DOCK1: variants seen among roughly 807,000 people sequenced by gnomAD.
The protein encoded by DOCK1 is dedicator of cytokinesis 1.
DOCK1 carries 138 observed loss-of-function variants against 262.7 expected under a neutral mutation model. The ratio of observed to expected loss-of-function variants is 0.53; its 90% CI spans 0.46 to 0.61. The LOEUF (loss-of-function observed/expected upper bound fraction) is 0.61, where lower values mean the gene tolerates loss of function less well. Ranked by LOEUF, DOCK1 falls within the 20% of genes least tolerant of loss-of-function variation. The pLI, the probability that DOCK1 is intolerant of heterozygous loss-of-function variation, is 0.00. For missense variants in DOCK1, 1,908 were observed against 2,370.7 expected, an observed-to-expected ratio of 0.80 and a Z score of 4.05; for synonymous variants, 866 against 867.4, an observed-to-expected ratio of 1.00 and a Z score of 0.03.
At chr10:126,957,072 G>A (rs2036802262) in intron 1 of DOCK1, among the ~76,000 whole-genome samples, 1 of 152,172 alleles carries the variant, frequency 6.6e-6, no homozygotes, top group Non-Finnish European at 1.5e-5. Context: ...TCTGCAAGGG[G>A]GTCCTCTCCA....
chr10:127,155,766 T>C, intron 27 of DOCK1, among the ~76,000 whole-genome samples: 1 of 152,220 alleles, frequency 6.6e-6, no homozygotes. Context: ...ACTTACAGCC[T>C]TTCTCCATCA....
chr10:127,196,427 G>C (rs1224209000), intron 27 of DOCK1, among the ~76,000 whole-genome samples: 1 of 148,664 alleles, frequency 6.7e-6, no homozygotes, highest in South Asian at 2.1e-4. Context: ...CTCAGAGCCA[G>C]GGCCAGGAGG....
intron 27 of DOCK1, among the ~76,000 whole-genome samples, chr10:127,238,296 C>G (rs11594269): frequency 0.27 from 41,495 of 152,060 alleles, 6,346 homozygotes; most frequent in South Asian, 0.51. Flanking sequence ...CTTAAGTGAT[C>G]CTGTGTGCTT....
intron 23 of DOCK1, among the ~76,000 whole-genome samples, chr10:127,070,517 G>A (rs2046165362): frequency 6.6e-6 from 1 of 151,952 alleles, no homozygotes; most frequent in Non-Finnish European, 1.5e-5. Context: ...CTCCCAAAGT[G>A]CTGGGATTAT....
At chr10:127,111,497 C>T (rs891820937) in intron 25 of DOCK1, among the ~76,000 whole-genome samples, 1 of 152,132 alleles carries the variant, frequency 6.6e-6, no homozygotes, top group Admixed American at 6.5e-5. Context: ...AGCTATTATT[C>T]CTGACTGTCC....
chr10:127,030,697 CA>C (rs1294139925), intron 16 of DOCK1, among the ~76,000 whole-genome samples: 1 of 152,290 alleles, frequency 6.6e-6, no homozygotes, highest in East Asian at 1.9e-4. Context: ...TAGGAAATGG[CA>C]GTAAAACAAA....
At chr10:127,403,189 A>T (rs2067324079) in intron 39 of DOCK1, 45 bp downstream of exon 39, 1 of 1,540,038 alleles carries the variant, frequency 6.5e-7, no homozygotes, top group African/African-American at 1.4e-5. Flanking sequence ...AGGCAATCTC[A>T]GCTGGTTTTT....
intron 43 of DOCK1, among the ~76,000 whole-genome samples, chr10:127,411,997 C>G (rs1168094970): frequency 6.6e-6 from 1 of 152,034 alleles, no homozygotes; most frequent in African/African-American, 2.4e-5. Flanking sequence ...GAGCCTCGCT[C>G]TGTCGCCCAA....
At chr10:127,417,576 TTTG>T (rs1011964247) in intron 44 of DOCK1, among the ~76,000 whole-genome samples, 7 of 152,146 alleles carry the variant, frequency 4.6e-5, no homozygotes, top group East Asian at 3.9e-4. Context: ...ATGAGCTCTC[TTTG>T]TTGTTGTTTG....
At chr10:127,261,901 C>CAT (rs2060157247) in intron 29 of DOCK1, among the ~76,000 whole-genome samples, 1 of 88,352 alleles carries the variant, frequency 1.1e-5, no homozygotes, top group Admixed American at 1.3e-4. Flanking sequence ...TGTGTGTGTG[C>CAT]ATGTGTGTGT....
intron 29 of DOCK1, among the ~76,000 whole-genome samples, chr10:127,323,126 A>G (rs1169883199): frequency 6.6e-6 from 1 of 152,194 alleles, no homozygotes; most frequent in East Asian, 1.9e-4. Flanking sequence ...CCTGTGGTGC[A>G]TCTGGCATCC....
intron 35 of DOCK1, among the ~76,000 whole-genome samples, chr10:127,378,338 G>C (rs764482857): frequency 1.3e-5 from 2 of 152,182 alleles, no homozygotes; most frequent in Non-Finnish European, 2.9e-5. Flanking sequence ...GGAGTTGGGG[G>C]GCCGGTCCCA....
intron 35 of DOCK1, among the ~76,000 whole-genome samples, chr10:127,378,580 G>A (rs1201420911): frequency 6.6e-6 from 1 of 152,200 alleles, no homozygotes; most frequent in Non-Finnish European, 1.5e-5. Flanking sequence ...ACTCAGCACA[G>A]GCAGAAAATA....
In DOCK1 at chr10:127,049,928, C is replaced by A. The variant is rs186140614; in HGVS notation, c.2202-2753C>A. Among the ~76,000 whole-genome samples the A allele has an allele frequency of 6.6e-3, 979 of 147,570 alleles. 3 individuals carry two copies. Among genetic ancestry groups the A allele is most frequent in the Middle Eastern group, 0.014 (4 of 280 alleles). ...TCACAATAGACCTTCGATTTTGTAA[C>A]TGCTGTTTTCTTTTAACAGCATAAT... On this transcript the variant is annotated intron_variant, in intron 21 of 51. Transcript: ENST00000623213.
At chr10:127,378,637 TCC>T (rs34054567) in intron 35 of DOCK1, among the ~76,000 whole-genome samples, 1 of 152,150 alleles carries the variant, frequency 6.6e-6, no homozygotes, top group African/African-American at 2.4e-5. Flanking sequence ...CGCATGATAT[TCC>T]CGTTGTGAAA....
intron 1 of DOCK1, among the ~76,000 whole-genome samples, chr10:126,918,195 A>T (rs2032732157): frequency 6.6e-6 from 1 of 150,752 alleles, no homozygotes; most frequent in South Asian, 2.1e-4. Context: ...CGGGGACTCC[A>T]CTGATGCCTG....
intron 27 of DOCK1, among the ~76,000 whole-genome samples, chr10:127,178,525 G>T (rs189035458): frequency 5.3e-5 from 8 of 152,302 alleles, no homozygotes; most frequent in Non-Finnish European, 1.2e-4. Context: ...GCAGAGTCTT[G>T]CCTGGCAGAG....
At chr10:127,211,707 C>A (rs184030329) in intron 27 of DOCK1, among the ~76,000 whole-genome samples, 2 of 152,110 alleles carry the variant, frequency 1.3e-5, no homozygotes, top group African/African-American at 2.4e-5. Context: ...CTGAAAATAA[C>A]GCATGTACCT....
At chr10:127,399,361 C>T (rs560359585) in intron 38 of DOCK1, among the ~76,000 whole-genome samples, 7 of 152,166 alleles carry the variant, frequency 4.6e-5, no homozygotes, top group East Asian at 3.9e-4. Flanking sequence ...CTCTCTGGCA[C>T]GGAAACATTT....
Sources: gnomAD v4.1 joint callset for allele counts (sites outside exome capture counted in the v4.1 genomes callset) on GRCh38, gnomAD v4.1.1 for gene constraint, MANE v1.5 for transcripts, NCBI Gene and HGNC (gene_info 2026-07-23, HGNC 2026-07-21) for gene names.